The following CDH18 variants were observed in gnomAD, a reference collection of about 807,000 sequenced individuals.
The protein encoded by CDH18 is cadherin 18.
In CDH18, 31 loss-of-function variants were observed where a neutral mutation model predicts 67.9. That is an observed-to-expected ratio of 0.46 (90% CI 0.34 to 0.62). The LOEUF (loss-of-function observed/expected upper bound fraction) is 0.62, where lower values mean the gene tolerates loss of function less well. Ranked by LOEUF, CDH18 falls within the 20% of genes least tolerant of loss-of-function variation. The pLI is 0.01. For synonymous variants in CDH18, 362 were observed against 347.2 expected (o/e 1.04, Z -0.48); for missense variants, 890 against 975.5 (o/e 0.91, Z 1.17).
chr5:20,441,477 C>T (rs1375011331), intron 1 of CDH18, among the ~76,000 whole-genome samples: 1 of 149,088 alleles, frequency 6.7e-6, no homozygotes, highest in Non-Finnish European at 1.5e-5. Context: ...CTACACAGAG[C>T]AAAAAACTAC....
chr5:19,563,068 GC>G (rs1181453860), intron 8 of CDH18, among the ~76,000 whole-genome samples: 4 of 152,056 alleles, frequency 2.6e-5, no homozygotes, highest in South Asian at 2.1e-4. Flanking sequence ...AAAAGGGAAG[GC>G]CCCAGGTAAT....
intron 1 of CDH18, among the ~76,000 whole-genome samples, chr5:20,292,012 C>G (rs1747140121): frequency 6.6e-6 from 1 of 152,100 alleles, no homozygotes; most frequent in Non-Finnish European, 1.5e-5. Flanking sequence ...ATTTTGTGAG[C>G]TCTTTGACTC....
intron 2 of CDH18, among the ~76,000 whole-genome samples, chr5:20,231,541 G>T (rs1395509975): frequency 1.3e-5 from 2 of 151,874 alleles, no homozygotes; most frequent in Non-Finnish European, 1.5e-5. Context: ...GGAGGTTGCA[G>T]TGAGCCAAGA....
chr5:20,238,311 G>T (rs373217454), intron 2 of CDH18, among the ~76,000 whole-genome samples: 1 of 151,914 alleles, frequency 6.6e-6, no homozygotes, highest in African/African-American at 2.4e-5. Context: ...TAAACTGAGA[G>T]AAATTATTTG....
chr5:19,673,848 T>C (rs1482206829), intron 5 of CDH18, among the ~76,000 whole-genome samples: 1 of 152,066 alleles, frequency 6.6e-6, no homozygotes, highest in Non-Finnish European at 1.5e-5. Context: ...CATTGACAGG[T>C]TAGTAAGTTT....
At chr5:20,206,673 C>A (rs1043244472) in intron 2 of CDH18, among the ~76,000 whole-genome samples, 2 of 151,592 alleles carry the variant, frequency 1.3e-5, no homozygotes, top group Admixed American at 1.3e-4. Context: ...TATATACATC[C>A]CACTGTGCAA....
At chr5:20,029,536 T>C (rs1739203592) in intron 2 of CDH18, among the ~76,000 whole-genome samples, 1 of 152,240 alleles carries the variant, frequency 6.6e-6, no homozygotes, top group Non-Finnish European at 1.5e-5. Context: ...AGCAAAATTA[T>C]TCAAGTTCTG....
chr5:19,556,015 G>A (rs1337977335), intron 8 of CDH18, among the ~76,000 whole-genome samples: 1 of 152,094 alleles, frequency 6.6e-6, no homozygotes, highest in East Asian at 1.9e-4. Flanking sequence ...TAGAGCTAGA[G>A]GAGAAATAAC....
At chr5:20,525,498 A>G (rs1362502852) in intron 1 of CDH18, among the ~76,000 whole-genome samples, 1 of 152,108 alleles carries the variant, frequency 6.6e-6, no homozygotes, top group East Asian at 1.9e-4. Flanking sequence ...ACTACCACCC[A>G]TAAATATGCC....
intron 2 of CDH18, among the ~76,000 whole-genome samples, chr5:20,121,036 C>A (rs1240788825): frequency 1.3e-5 from 2 of 151,856 alleles, no homozygotes; most frequent in African/African-American, 2.4e-5. Context: ...TTGCGCATCC[C>A]ATGAATTAAA....
At chr5:19,547,608 T>C (rs1031594003) in intron 8 of CDH18, among the ~76,000 whole-genome samples, 1 of 152,214 alleles carries the variant, frequency 6.6e-6, no homozygotes, top group Non-Finnish European at 1.5e-5. Context: ...TAAGTGCTAA[T>C]ATCAGTGGCT....
chr5:20,542,470 T>A (rs1375521652), intron 1 of CDH18, among the ~76,000 whole-genome samples: 1 of 151,574 alleles, frequency 6.6e-6, no homozygotes, highest in East Asian at 1.9e-4. Flanking sequence ...CACATATGTA[T>A]ACACACACAT....
intron 1 of CDH18, among the ~76,000 whole-genome samples, chr5:20,327,715 TC>T (rs1738739739): frequency 1.3e-5 from 2 of 152,018 alleles, no homozygotes; most frequent in African/African-American, 4.8e-5. Context: ...AGCTAAGGTA[TC>T]CCTGGGACTT....
chr5:20,246,018 C>T (rs570799835), intron 2 of CDH18, among the ~76,000 whole-genome samples: 22 of 152,180 alleles, frequency 1.4e-4, no homozygotes, highest in African/African-American at 4.8e-4. Context: ...TGAAGAAAGA[C>T]TACCACAATT....
intron 2 of CDH18, among the ~76,000 whole-genome samples, chr5:20,246,872 G>A (rs918023547): frequency 9.2e-5 from 14 of 152,100 alleles, no homozygotes; most frequent in Non-Finnish European, 1.5e-4. Flanking sequence ...ATATTTTTAT[G>A]CATAACATGA....
chr5:19,984,696 A>C (rs752277980), intron 1 of CDH18, among the ~76,000 whole-genome samples: 2 of 152,190 alleles, frequency 1.3e-5, no homozygotes, highest in Non-Finnish European at 2.9e-5. Flanking sequence ...TTGGGTTTTT[A>C]CACCTATTAT....
intron 2 of CDH18, among the ~76,000 whole-genome samples, chr5:20,186,998 T>C (rs1016220440): frequency 2.0e-5 from 3 of 151,922 alleles, no homozygotes; most frequent in African/African-American, 7.2e-5. Flanking sequence ...AGTTATAATA[T>C]GGATAAACCT....
At chr5:20,256,713 T>C (rs552782417) in intron 1 of CDH18, among the ~76,000 whole-genome samples, 5 of 152,158 alleles carry the variant, frequency 3.3e-5, no homozygotes, top group African/African-American at 1.2e-4. Flanking sequence ...AGTAGAAATG[T>C]CTGATACCAG....
intron 2 of CDH18, among the ~76,000 whole-genome samples, chr5:20,102,470 T>C (rs1236519196): frequency 2.0e-5 from 3 of 152,140 alleles, no homozygotes; most frequent in Non-Finnish European, 4.4e-5. Context: ...AAATGTAACA[T>C]GTGCTATAGG....
Sources: gnomAD v4.1 joint callset for allele counts (sites outside exome capture counted in the v4.1 genomes callset) on GRCh38, gnomAD v4.1.1 for gene constraint, MANE v1.5 for transcripts, NCBI Gene and HGNC (gene_info 2026-07-23, HGNC 2026-07-21) for gene names.